Variants in TRPM8 observed in about 807,000 individuals in gnomAD.
The protein encoded by TRPM8 is TRPM8 cationic channel.
TRPM8 carries 110 observed loss-of-function variants against 133.7 expected under a neutral mutation model. The ratio of observed to expected loss-of-function variants is 0.82; its 90% CI spans 0.70 to 0.96. TRPM8 has a LOEUF of 0.96. Among genes scored for constraint, TRPM8 ranks in the 40% least tolerant of loss-of-function variants. TRPM8 has a pLI of 0.00. For missense variants in TRPM8, 1,291 were observed against 1,379.5 expected, an observed-to-expected ratio of 0.94 and a Z score of 1.02; for synonymous variants, 535 against 532.3, an observed-to-expected ratio of 1.01 and a Z score of -0.07.
intron 21 of TRPM8, 38 bp downstream of exon 21, chr2:233,985,903 G>C: frequency 6.4e-7 from 1 of 1,569,660 alleles, no homozygotes; most frequent in Non-Finnish European, 8.7e-7. Context: ...TGTCCACCCT[G>C]GGCCAAGCCC....
At chr2:233,945,035 A>C (rs532393314) in intron 6 of TRPM8, among the ~76,000 whole-genome samples, 1 of 151,880 alleles carries the variant, frequency 6.6e-6, no homozygotes, top group East Asian at 1.9e-4. Context: ...AGATTAATAA[A>C]TTTAAAAAAT....
intron 17 of TRPM8, among the ~76,000 whole-genome samples, chr2:233,978,270 A>G (rs1691921211): frequency 7.1e-6 from 1 of 141,016 alleles, no homozygotes; most frequent in East Asian, 2.1e-4. Context: ...CTTCTTTGTT[A>G]GTCTCCCTAC....
intron 1 of TRPM8, among the ~76,000 whole-genome samples, chr2:233,920,148 G>A (rs1469035200): frequency 1.7e-4 from 26 of 152,194 alleles, no homozygotes; most frequent in Non-Finnish European, 2.9e-5. Context: ...CCTGCAGGAT[G>A]ACGTATAGTT....
At chr2:233,963,819 T>G (rs886286392) in intron 13 of TRPM8, among the ~76,000 whole-genome samples, 1 of 152,198 alleles carries the variant, frequency 6.6e-6, no homozygotes, top group African/African-American at 2.4e-5. Flanking sequence ...TTTTGAGAGA[T>G]AAGCTTAGAT....
intron 21 of TRPM8, among the ~76,000 whole-genome samples, chr2:233,994,690 AT>A (rs147697944): frequency 6.6e-6 from 1 of 151,128 alleles, no homozygotes; most frequent in Non-Finnish European, 1.5e-5. Flanking sequence ...GGTATCCGAC[AT>A]TTTTTTTTGC....
intron 22 of TRPM8, among the ~76,000 whole-genome samples, chr2:234,005,164 GT>G (rs1692661708): frequency 1.3e-5 from 2 of 152,032 alleles, no homozygotes; most frequent in African/African-American, 4.8e-5. Context: ...TATATTGGCT[GT>G]CCCCCCTCCT....
chr2:233,987,575 A>G (rs1265172863), intron 21 of TRPM8, among the ~76,000 whole-genome samples: 3 of 152,212 alleles, frequency 2.0e-5, no homozygotes, highest in South Asian at 2.1e-4. Context: ...GTGTGTGGCC[A>G]TCTGGTCTCC....
At chr2:234,017,081 C>T (rs535788510) in intron 25 of TRPM8, among the ~76,000 whole-genome samples, 52 of 152,036 alleles carry the variant, frequency 3.4e-4, no homozygotes, top group African/African-American at 1.2e-3. Flanking sequence ...ACCTTAGTCA[C>T]GCAGCTCACA....
Position 234,017,324 on chromosome 2 carries a change from A to G in TRPM8, c.*68A>G. ...ATCATATTAAGGAATGCTGATGAAC[A>G]ATTTTGCTATCGACTACTAAATGAG... On this transcript the variant is annotated 3_prime_UTR_variant, in exon 26 of 26. Transcript: ENST00000324695. The G allele has an allele frequency of 2.1e-6, 1 of 471,304 alleles. No homozygotes were observed. The highest frequency in any genetic ancestry group is 1.5e-5 in the South Asian group (1 of 64,556). The allele number at this position is 471,304 out of a possible 1,614,324, so 29.2% of individuals were successfully genotyped here. A position where few individuals can be genotyped will look rare whatever the true frequency, so the allele number is the denominator to read the frequency against.
intron 20 of TRPM8, among the ~76,000 whole-genome samples, chr2:233,984,812 G>A (rs1431622314): frequency 2.0e-5 from 3 of 152,156 alleles, no homozygotes. Context: ...GGCCGGGGAT[G>A]GTGGCTTATG....
intron 7 of TRPM8, 35 bp downstream of exon 7, chr2:233,946,065 C>A (rs1691036670): frequency 1.3e-6 from 2 of 1,584,340 alleles, no homozygotes; most frequent in South Asian, 1.1e-5. Context: ...TAGAAGTGTA[C>A]AATAACCACA....
chr2:233,969,943 T>A, intron 16 of TRPM8, 136 bp downstream of exon 16: 1 of 740,526 alleles, frequency 1.4e-6, no homozygotes, highest in Non-Finnish European at 2.3e-6. Flanking sequence ...ATGAATTTGG[T>A]CTTGTTTCTC....
chr2:233,983,193 C>T lies in TRPM8; in HGVS notation c.2730C>T (p.Ala910=), dbSNP rs1392488827. The change falls in exon 20 of 26, where the codon GCC becomes GCT. Residue 910 remains alanine (A), a synonymous_variant. Transcript: ENST00000324695. The part of the protein sequence containing the change: ...FRSVIYEPYL[A]MFGQVPSDVD... ...CGGTCATCTACGAGCCCTACCTGGCCATGTTCGGCCAGGTGCCCAGTGACG... is the reference window on the plus strand; with the variant it reads ...CGGTCATCTACGAGCCCTACCTGGCTATGTTCGGCCAGGTGCCCAGTGACG... The T allele has an allele frequency of 6.2e-7, 1 of 1,614,156 alleles. No homozygotes were observed. Among genetic ancestry groups the T allele is most frequent in the Non-Finnish European group, 8.5e-7 (1 of 1,180,028 alleles).
chr2:233,938,422 A>G (rs1690818117), intron 4 of TRPM8, among the ~76,000 whole-genome samples: 1 of 152,198 alleles, frequency 6.6e-6, no homozygotes, highest in Admixed American at 6.5e-5. Flanking sequence ...AAGGTTGAGG[A>G]GGGATGCCCG....
chr2:233,942,090 T>C (rs1690920912), intron 5 of TRPM8, among the ~76,000 whole-genome samples: 1 of 140,034 alleles, frequency 7.1e-6, no homozygotes, highest in Admixed American at 6.8e-5. Context: ...TTTTTTTTTT[T>C]TCTTTTTGAG....
At chr2:233,925,791 C>T (rs548576250) in intron 1 of TRPM8, among the ~76,000 whole-genome samples, 12 of 152,174 alleles carry the variant, frequency 7.9e-5, no homozygotes, top group Admixed American at 3.3e-4. Context: ...TAGGCATTGA[C>T]GGGTTTTGTC....
At chr2:233,964,461 A>G (rs531892934) in intron 13 of TRPM8, among the ~76,000 whole-genome samples, 167 bp from the exon 14 acceptor site, 1 of 144,520 alleles carries the variant, frequency 6.9e-6, no homozygotes, top group African/African-American at 2.5e-5. Flanking sequence ...CTGAGGCAGT[A>G]GAATCACTTG....
Position 234,017,794 on chromosome 2 carries a change from T to G in TRPM8, c.*538T>G, listed in dbSNP as rs1021089109. ...CTGCAGCAAGAGGACCCCGCTCTCT[T>G]CAGGAAAAGTGTTTTCATTTCTCAG... On this transcript the variant is annotated 3_prime_UTR_variant, in exon 26 of 26. Transcript: ENST00000324695. The G allele has an allele frequency of 6.4e-6, 1 of 155,990 alleles. No homozygotes were observed. The highest frequency in any genetic ancestry group is 1.4e-5 in the Non-Finnish European group (1 of 70,814). The allele number at this position is 155,990 out of a possible 1,614,324, so 9.7% of individuals were successfully genotyped here. A position where few individuals can be genotyped will look rare whatever the true frequency, so the allele number is the denominator to read the frequency against.
chr2:233,943,067 CTT>C (rs67315288), intron 6 of TRPM8: 11,057 of 176,032 alleles, frequency 0.063, 2 homozygotes, highest in South Asian at 0.1. Flanking sequence ...ACTGCAGTAT[CTT>C]TTTTTTTTTT....
Sources: gnomAD v4.1 joint callset for allele counts (sites outside exome capture counted in the v4.1 genomes callset) on GRCh38, gnomAD v4.1.1 for gene constraint, MANE v1.5 for transcripts, NCBI Gene and HGNC (gene_info 2026-07-23, HGNC 2026-07-21) for gene names.